The following EFCAB7 variants were observed in gnomAD, a reference collection of about 807,000 sequenced individuals.
EFCAB7 encodes the protein EF-hand calcium-binding domain-containing protein 7.
In EFCAB7, 66 loss-of-function variants were observed where a neutral mutation model predicts 77.1. The observed-to-expected ratio is 0.86, with a 90% CI of 0.70 to 1.05. The LOEUF is 1.05. EFCAB7 is among the 50% of genes least tolerant of loss of function. EFCAB7 has a pLI of 0.00. For missense variants in EFCAB7, 638 were observed against 730.5 expected, an observed-to-expected ratio of 0.87 and a Z score of 1.46; for synonymous variants, 225 against 243.3, an observed-to-expected ratio of 0.92 and a Z score of 0.70.
intron 6 of EFCAB7, among the ~76,000 whole-genome samples, chr1:63,543,608 G>A (rs12032184): frequency 0.095 from 14,437 of 152,126 alleles, 903 homozygotes; most frequent in East Asian, 0.13. Context: ...AAGTATGTTA[G>A]GATAATTTAG....
intron 6 of EFCAB7, among the ~76,000 whole-genome samples, chr1:63,544,213 A>G (rs369858740): frequency 2.4e-3 from 363 of 151,384 alleles, no homozygotes; most frequent in Non-Finnish European, 3.5e-3. Flanking sequence ...CCAGTGATCC[A>G]CCCGCCTTGG....
intron 10 of EFCAB7, among the ~76,000 whole-genome samples, chr1:63,560,511 ACTTTT>A (rs1283769269): frequency 8.1e-6 from 1 of 123,576 alleles, no homozygotes; most frequent in Non-Finnish European, 1.6e-5. Flanking sequence ...TAAACTCTTA[ACTTTT>A]TTTTTTTTTT....
intron 11 of EFCAB7, among the ~76,000 whole-genome samples, chr1:63,566,973 T>C (rs1412469197): frequency 4.0e-5 from 6 of 151,698 alleles, no homozygotes; most frequent in African/African-American, 1.4e-4. Flanking sequence ...TTCTTTCTTT[T>C]ATTTTCTTAA....
chr1:63,525,466 C>A, intron 1 of EFCAB7, 106 bp from the exon 2 acceptor site: 1 of 883,714 alleles, frequency 1.1e-6, no homozygotes, highest in Non-Finnish European at 1.6e-6. Flanking sequence ...AAATTTTCTT[C>A]TATGTATAAA....
downstream of EFCAB7, among the ~76,000 whole-genome samples, chr1:63,573,715 T>C (rs1332916432): frequency 1.3e-5 from 2 of 152,126 alleles, no homozygotes; most frequent in African/African-American, 4.8e-5. Context: ...GTGTCTGGAA[T>C]GAGACTGAGG....
rs568957102 is a variant in EFCAB7 at position 63,557,032 on chromosome 1, C to A, written c.1215-82C>A. 175 of 1,121,432 alleles carry A rather than the reference C, an allele frequency of 1.6e-4. No individual in the cohort carries two copies. The African/African-American group carries it at 2.8e-3, about 18-fold the overall frequency. 69.5% of individuals were successfully genotyped at this position (1,121,432 alleles called of 1,614,324 possible). On this transcript the variant is annotated intron_variant, in intron 9 of 13. Coordinates refer to ENST00000371088, the MANE Select transcript of EFCAB7 (RefSeq NM_032437.4). Reference sequence around the variant, plus strand: ...CAGCCTGGGTGACAGAGTGAGACTCCGTCTCAAAAAAAAAAAAAAAACCCT... The same window carrying A: ...CAGCCTGGGTGACAGAGTGAGACTCAGTCTCAAAAAAAAAAAAAAAACCCT...
Position 63,561,712 on chromosome 1 carries a change from A to G in EFCAB7, c.1352A>G (p.Asn451Ser). The G allele has an allele frequency of 6.3e-7, 1 of 1,580,258 alleles. No individual in the cohort carries two copies. Among genetic ancestry groups the G allele is most frequent in the African/African-American group, 1.4e-5 (1 of 73,586 alleles). ...DEDAWAVCRENFDTKRNELTR... is the reference protein window; with the variant it reads ...DEDAWAVCRESFDTKRNELTR... ...AAACTTTTGGTTGTTTAAACAGAGAATTTTGATACAAAGAGGAATGAACTA... is the reference window on the plus strand; with the variant it reads ...AAACTTTTGGTTGTTTAAACAGAGAGTTTTGATACAAAGAGGAATGAACTA... The change falls in exon 11 of 14, where the codon AAT becomes AGT. Residue 451 changes from asparagine (N) to serine (S), a missense_variant. Transcript: ENST00000371088.
chr1:63,559,958 TA>T (rs940948256), intron 10 of EFCAB7, among the ~76,000 whole-genome samples: 2 of 98,412 alleles, frequency 2.0e-5, no homozygotes, highest in Non-Finnish European at 3.7e-5. Flanking sequence ...CAAGTGTTAA[TA>T]ATTTTTTTTT....
At chr1:63,536,622 C>T (rs1323657248) in intron 6 of EFCAB7, 1 of 152,196 alleles carries the variant, frequency 6.6e-6, no homozygotes, top group African/African-American at 2.4e-5. Flanking sequence ...CTCAAGTGAT[C>T]CGTCTGCCTT....
At chr1:63,525,824 A>AATAAATAGGT in intron 2 of EFCAB7, 65 bp downstream of exon 2, 1 of 1,118,798 alleles carries the variant, frequency 8.9e-7, no homozygotes, top group South Asian at 1.6e-5. Context: ...GGTCCGAAAG[A>AATAAATAGGT]CTGAAATTAG....
At chr1:63,524,322 C>T (rs941400643) in intron 1 of EFCAB7, among the ~76,000 whole-genome samples, 1 of 152,190 alleles carries the variant, frequency 6.6e-6, no homozygotes, top group Admixed American at 6.5e-5. Context: ...TATAGTATTA[C>T]CAATTTGCAG....
intron 10 of EFCAB7, among the ~76,000 whole-genome samples, chr1:63,560,084 C>A (rs989045776): frequency 2.0e-5 from 3 of 151,990 alleles, no homozygotes; most frequent in Non-Finnish European, 4.4e-5. Context: ...TCCCGAGTAG[C>A]TGGGACTACA....
At position 63,551,845 on chromosome 1, in the gene EFCAB7, T is replaced by G; in HGVS notation, c.1056+11T>G. The G allele has an allele frequency of 6.7e-7, 1 of 1,495,584 alleles. No individual in the cohort carries two copies. The highest frequency in any genetic ancestry group is 9.0e-7 in the Non-Finnish European group (1 of 1,108,796). The allele number at this position is 1,495,584 out of a possible 1,614,324, so 92.6% of individuals were successfully genotyped here. A position where few individuals can be genotyped will look rare whatever the true frequency, so the allele number is the denominator to read the frequency against. On this transcript the variant is annotated intron_variant, in intron 8 of 13. Coordinates refer to ENST00000371088, the MANE Select transcript of EFCAB7 (RefSeq NM_032437.4). ...CTACGAAATAGAGAAGTATACATAT[T>G]TATTTTCTAATGTTTAATTTTTAAA...
chr1:63,574,161 G>A (rs746952460), downstream of EFCAB7, among the ~76,000 whole-genome samples: 1 of 152,028 alleles, frequency 6.6e-6, no homozygotes, highest in Non-Finnish European at 1.5e-5. Flanking sequence ...GCAAATCCCC[G>A]AGCTTGATGT....
At chr1:63,577,395 A>G (rs1037402885), downstream of EFCAB7, among the ~76,000 whole-genome samples, 5 of 152,222 alleles carry the variant, frequency 3.3e-5, no homozygotes, top group Non-Finnish European at 5.9e-5. Flanking sequence ...AAGTTCAGTT[A>G]TCTGATTCAG....
intron 3 of EFCAB7, 71 bp from the exon 4 acceptor site, chr1:63,532,599 T>G: frequency 8.6e-7 from 1 of 1,169,408 alleles, no homozygotes; most frequent in Non-Finnish European, 1.2e-6. Context: ...TAAAATGTGC[T>G]TCCACTGTCC....
chr1:63,530,645 A>G (rs1392047959), intron 2 of EFCAB7, among the ~76,000 whole-genome samples: 1 of 152,202 alleles, frequency 6.6e-6, no homozygotes, highest in East Asian at 1.9e-4. Flanking sequence ...TAGTTTGACC[A>G]TAGCATCTCT....
the EFCAB7 span, among the ~76,000 whole-genome samples, chr1:63,584,164 CT>C: frequency 6.6e-6 from 1 of 152,160 alleles, no homozygotes; most frequent in Non-Finnish European, 1.5e-5. Context: ...TCACTTTTGA[CT>C]TCTTTTGCAA....
At chr1:63,549,843 A>G (rs1432784927) in intron 7 of EFCAB7, 1 of 164,814 alleles carries the variant, frequency 6.1e-6, no homozygotes, top group Non-Finnish European at 1.3e-5. Context: ...TTTTGTCTAC[A>G]TTATACTGAA....
Sources: gnomAD v4.1 joint callset for allele counts (sites outside exome capture counted in the v4.1 genomes callset) on GRCh38, gnomAD v4.1.1 for gene constraint, MANE v1.5 for transcripts, NCBI Gene and HGNC (gene_info 2026-07-23, HGNC 2026-07-21) for gene names.